DCN: variants seen among roughly 807,000 people sequenced by gnomAD.
DCN encodes bone proteoglycan II.
Under a neutral mutation model 36.5 loss-of-function variants are expected in DCN, and 17 were observed. That is an observed-to-expected ratio of 0.47 (90% CI 0.32 to 0.70). The LOEUF is 0.70. Ranked by LOEUF, DCN falls within the 30% of genes least tolerant of loss-of-function variation. The pLI is 0.04. For missense variants in DCN, 389 were observed against 430.1 expected (o/e 0.90, Z 0.84); for synonymous variants, 163 against 161.4 (o/e 1.01, Z -0.07).
At chr12:91,149,957 T>A (rs1175126612) in intron 7 of DCN, among the ~76,000 whole-genome samples, 2 of 152,166 alleles carry the variant, frequency 1.3e-5, no homozygotes, top group Non-Finnish European at 2.9e-5. Flanking sequence ...CTTGGAAGGC[T>A]CAATATTATT....
At chr12:91,181,377 C>A (rs11106030) in intron 1 of DCN, among the ~76,000 whole-genome samples, 21,658 of 151,958 alleles carry the variant, frequency 0.14, 2,433 homozygotes, top group African/African-American at 0.31. Context: ...TAATTCCTTT[C>A]GTCATTTCCT....
At chr12:91,151,452 C>A in intron 7 of DCN, 1 of 600,136 alleles carries the variant, frequency 1.7e-6, no homozygotes, top group Non-Finnish European at 2.9e-6. Context: ...ACTTCTAAAT[C>A]AAAAACTTTA....
At position 91,164,607 on chromosome 12, in the gene DCN, G is replaced by A; in HGVS notation, c.322C>T (p.His108Tyr). Residue 108 changes from histidine (H) to tyrosine (Y), a missense_variant and splice_region_variant, in exon 3 of 8, where the codon CAC becomes TAC. Coordinates refer to ENST00000052754, the MANE Select transcript of DCN (RefSeq NM_001920.5). ...AGTTAAAAAAAAATAGTTCTTACGT[G>A]AAGGTTCTTCAGGTTCTTAAAGTCT... ...DGDFKNLKNL[H>Y]ALILVNNKIS... is the part of the protein sequence containing the mutation. The A allele has an allele frequency of 3.8e-6, 6 of 1,560,708 alleles. No individual in the cohort carries two copies. Among genetic ancestry groups the A allele is most frequent in the Non-Finnish European group, 4.4e-6 (5 of 1,131,524 alleles).
chr12:91,181,133 CGT>C (rs545530519), intron 1 of DCN, among the ~76,000 whole-genome samples: 15 of 147,080 alleles, frequency 1.0e-4, no homozygotes, highest in Admixed American at 3.4e-4. Flanking sequence ...TTCATTTGCT[CGT>C]GTGTGTGTGT....
chr12:91,180,532 T>A (rs1370768617), intron 1 of DCN: 2 of 152,148 alleles, frequency 1.3e-5, no homozygotes, highest in Non-Finnish European at 2.9e-5. Flanking sequence ...TTGTTCTTAG[T>A]TTATATTTAC....
rs140149645 is a variant in DCN at position 91,153,122 on chromosome 12, G to A, written c.720C>T (p.Ser240=). The change falls in exon 6 of 8, where the codon AGC becomes AGT. Residue 240 remains serine, a synonymous_variant. Transcript: ENST00000052754. Reference sequence around the variant, plus strand: ...TAGCCAAATTATTCAGTCCTTTCAGGCTAGCTGCATCAACTCTGCTGATTT... The same window carrying A: ...TAGCCAAATTATTCAGTCCTTTCAGACTAGCTGCATCAACTCTGCTGATTT... ...GNKISRVDAA[S]LKGLNNLAKL... is the part of the protein sequence containing the mutation. 1 of 1,606,792 alleles carries A rather than the reference G, an allele frequency of 6.2e-7. No homozygotes were observed. Among genetic ancestry groups the A allele is most frequent in the Non-Finnish European group, 8.5e-7 (1 of 1,173,516 alleles).
At position 91,178,580 on chromosome 12, in the gene DCN, G is replaced by C; in HGVS notation, c.-28C>G. The C allele has an allele frequency of 6.3e-7, 1 of 1,590,938 alleles. No individual in the cohort carries two copies. The highest frequency in any genetic ancestry group is 1.1e-5 in the South Asian group (1 of 90,550). On this transcript the variant is annotated 5_prime_UTR_variant, in exon 2 of 8. Coordinates refer to ENST00000052754, the MANE Select transcript of DCN (RefSeq NM_001920.5). Reference sequence around the variant, plus strand: ...TTTATCTCATGTATTTTCACAACCAGGGAACCTAGGAAACAAATGAGAGAT... The same window carrying C: ...TTTATCTCATGTATTTTCACAACCACGGAACCTAGGAAACAAATGAGAGAT...
chr12:91,146,139 C>T lies in DCN; in HGVS notation c.999G>A (p.Pro333=), dbSNP rs771220011. 13 of 1,613,714 alleles carry T rather than the reference C, an allele frequency of 8.1e-6. No homozygotes were observed. Among genetic ancestry groups the T allele is most frequent in the South Asian group, 3.3e-5 (3 of 91,014 alleles). The change falls in exon 8 of 8, where the codon CCG becomes CCA. Residue 333 remains proline, a synonymous_variant. Transcript: ENST00000052754. ...SYSGVSLFSN[P]VQYWEIQPST... ...ATGGCTGTATCTCCCAGTACTGGAC[C>T]GGGTTGCTGAAAAGACTCACACCCG...
At chr12:91,171,521 T>G (rs1671857459) in intron 2 of DCN, among the ~76,000 whole-genome samples, 1 of 152,182 alleles carries the variant, frequency 6.6e-6, no homozygotes, top group African/African-American at 2.4e-5. Flanking sequence ...CCTCTAGGAA[T>G]CAATAGCCTG....
chr12:91,151,245 G>C (rs549070502), intron 7 of DCN: 1 of 209,226 alleles, frequency 4.8e-6, no homozygotes, highest in South Asian at 6.9e-5. Context: ...ATGTCAAAAA[G>C]AATCAGGAGC....
chr12:91,178,443 C>A lies in DCN; in HGVS notation c.110G>T (p.Gly37Val), dbSNP rs973863511. Residue 37 changes from glycine to valine, a missense_variant, in exon 2 of 8, where the codon GGC becomes GTC. Physicochemically the swap from Gly to Val is moderately radical, Grantham distance 109. Coordinates refer to ENST00000052754, the MANE Select transcript of DCN (RefSeq NM_001920.5). The stretch of plus-strand genomic sequence containing the variant: ...GTCGCGGTCATCAGGAACTTCTGGG[C>A]CTATCCCAGAAGCCTCATCTTCTAG... ...FMLEDEASGI[G>V]PEVPDDRDFE... 2.1e-5 allele frequency: 34 copies of A among 1,613,618 alleles called. No individual in the cohort carries two copies. The highest frequency in any genetic ancestry group is 2.9e-5 in the Non-Finnish European group (34 of 1,179,884).
chr12:91,158,697 C>T (rs1304319208), intron 3 of DCN, among the ~76,000 whole-genome samples, 188 bp from the exon 4 acceptor site: 1 of 152,166 alleles, frequency 6.6e-6, no homozygotes, highest in East Asian at 1.9e-4. Context: ...TGCGGTGGCT[C>T]ATGCCTGTAA....
Position 91,146,124 on chromosome 12 carries a change from C to G in DCN, c.1014G>C (p.Glu338Asp). The change falls in exon 8 of 8, where the codon GAG (glutamate) becomes GAC (aspartate). Residue 338 changes from glutamate (E) to aspartate (D), a missense_variant. Physicochemically the swap from Glu to Asp is conservative, Grantham distance 45. Transcript: ENST00000052754. The stretch of plus-strand genomic sequence containing the variant: ...CACATCTGAAGGTGGATGGCTGTAT[C>G]TCCCAGTACTGGACCGGGTTGCTGA... ...SLFSNPVQYWEIQPSTFRCVY... is the reference protein window; with the variant it reads ...SLFSNPVQYWDIQPSTFRCVY... The G allele has an allele frequency of 6.2e-7, 1 of 1,613,882 alleles. No homozygotes were observed.
rs1334838967 is a variant in DCN, at chr12:91,178,500, G to C, written c.53C>G (p.Pro18Arg). The C allele has an allele frequency of 1.2e-6, 2 of 1,613,704 alleles. No individual in the cohort carries two copies. The highest frequency in any genetic ancestry group is 3.3e-5 in the Admixed American group (2 of 59,920). Reference protein sequence around the residue: ...LLLAQVSWAGPFQQRGLFDFM... With the variant: ...LLLAQVSWAGRFQQRGLFDFM... ...GTCAAATAAGCCTCTCTGTTGAAAC[G>C]GTCCAGCCCAGGAAACTTGTGCAAG... Residue 18 changes from proline (P) to arginine (R), a missense_variant, in exon 2 of 8, where the codon CCG becomes CGG. Transcript: ENST00000052754.
rs758094819 is a variant in DCN, at chr12:91,158,332, C to G, written c.502G>C (p.Val168Leu). 6.2e-7 allele frequency: 1 copy of G among 1,613,690 alleles called. No homozygotes were observed. The highest frequency in any genetic ancestry group is 8.5e-7 in the Non-Finnish European group (1 of 1,179,598). ...HENEITKVRK[V>L]TFNGLNQMIV... ...ATCTGGTTCAGTCCATTGAAAGTAA[C>G]TTTTCGCACTTTGGTGATCTCATTC... Residue 168 changes from valine (V) to leucine (L), a missense_variant, in exon 4 of 8, where the codon GTT becomes CTT. Physicochemically the swap from Val to Leu is conservative, Grantham distance 32. Transcript: ENST00000052754.
At chr12:91,173,999 T>C (rs1260466544) in intron 2 of DCN, among the ~76,000 whole-genome samples, 1 of 152,238 alleles carries the variant, frequency 6.6e-6, no homozygotes, top group Non-Finnish European at 1.5e-5. Flanking sequence ...ATAAGGTACA[T>C]TATTAGAAAC....
At chr12:91,175,882 T>C (rs1428410562) in intron 2 of DCN, 3 of 152,152 alleles carry the variant, frequency 2.0e-5, no homozygotes, top group Non-Finnish European at 2.9e-5. Context: ...CTGCTTTCTT[T>C]CTTTTTTTCT....
Position 91,145,857 on chromosome 12 carries a change from A to C in DCN, c.*201T>G. ...TAACATCAACAGAAAGCTTCAAAAG[A>C]TGATTCTGAAAATGGCAGGCAAAAT... On this transcript the variant is annotated 3_prime_UTR_variant, in exon 8 of 8. Coordinates refer to ENST00000052754, the MANE Select transcript of DCN (RefSeq NM_001920.5). 1 of 577,776 alleles carries C rather than the reference A, an allele frequency of 1.7e-6. No individual in the cohort carries two copies. Among genetic ancestry groups the C allele is most frequent in the East Asian group, 2.9e-5 (1 of 33,930 alleles). The allele number at this position is 577,776 out of a possible 1,614,324, so 35.8% of individuals were successfully genotyped here. A position where few individuals can be genotyped will look rare whatever the true frequency, so the allele number is the denominator to read the frequency against.
intron 3 of DCN, among the ~76,000 whole-genome samples, chr12:91,164,237 G>A (rs909146457): frequency 2.6e-5 from 4 of 151,728 alleles, no homozygotes; most frequent in Non-Finnish European, 5.9e-5. Flanking sequence ...GAAGGGGAAG[G>A]GATAGCATTG....
Sources: allele counts gnomAD v4.1 joint callset (sites outside exome capture counted in the v4.1 genomes callset), GRCh38; gene constraint gnomAD v4.1.1; transcripts MANE v1.5; gene names NCBI Gene and HGNC (gene_info 2026-07-23, HGNC 2026-07-21).